IRAK2: variants seen among roughly 807,000 people sequenced by gnomAD.
IRAK2 encodes the protein interleukin 1 receptor associated kinase 2.
IRAK2 carries 57 observed loss-of-function variants against 72.0 expected under a neutral mutation model. That is an observed-to-expected ratio of 0.79 (90% confidence interval 0.64 to 0.99). IRAK2 has a LOEUF of 0.99. IRAK2 is among the 50% of genes least tolerant of loss of function. IRAK2 has a pLI of 0.00. For missense variants in IRAK2, 790 were observed against 794.4 expected (o/e 0.99, Z 0.07); for synonymous variants, 293 against 312.7 (o/e 0.94, Z 0.67).
chr3:10,196,224 C>T (rs544729625), intron 2 of IRAK2, among the ~76,000 whole-genome samples: 33 of 152,388 alleles, frequency 2.2e-4, no homozygotes, highest in African/African-American at 7.7e-4. Flanking sequence ...AAGCGATTCT[C>T]CTGCTTCAGC....
chr3:10,196,060 A>G (rs1481046009), intron 2 of IRAK2, among the ~76,000 whole-genome samples: 1 of 152,210 alleles, frequency 6.6e-6, no homozygotes, highest in Non-Finnish European at 1.5e-5. Flanking sequence ...CCCGTGCTTG[A>G]ATCAGCACTC....
At chr3:10,182,034 C>T (rs1266206624) in intron 2 of IRAK2, among the ~76,000 whole-genome samples, 2 of 145,614 alleles carry the variant, frequency 1.4e-5, no homozygotes, top group African/African-American at 2.5e-5. Context: ...GTGGCGCAAT[C>T]TTGGCTCACC....
chr3:10,222,615 C>T (rs813591), intron 8 of IRAK2, 21 bp from the exon 9 acceptor site: 300,852 of 1,604,236 alleles, frequency 0.19, 39,081 homozygotes, highest in East Asian at 0.68. Context: ...GAGAAGGTTC[C>T]CTCTCCTTTC....
rs532825426 is a variant in IRAK2 at position 10,209,867 on chromosome 3, C to T, written c.528+175C>T. Among the ~76,000 whole-genome samples, 7 of 152,146 alleles carry T rather than the reference C, an allele frequency of 4.6e-5. No individual in the cohort carries two copies. In the South Asian group the frequency reaches 1.0e-3, roughly 23 times the overall value. ...TGTAAGTAGAGGAGGTCAATAATAGCGGGGAGAGGGAGGGAGGGCACTTCA... is the reference window on the plus strand; with the variant it reads ...TGTAAGTAGAGGAGGTCAATAATAGTGGGGAGAGGGAGGGAGGGCACTTCA... On this transcript the variant is annotated intron_variant, in intron 4 of 12. Transcript: ENST00000256458.
chr3:10,212,634 G>A (rs1251914449), intron 4 of IRAK2, among the ~76,000 whole-genome samples: 2 of 152,054 alleles, frequency 1.3e-5, no homozygotes, highest in African/African-American at 2.4e-5. Flanking sequence ...ATTACTCTTC[G>A]GGGTACTATT....
At chr3:10,211,482 G>C (rs1337821962) in intron 4 of IRAK2, among the ~76,000 whole-genome samples, 1 of 150,892 alleles carries the variant, frequency 6.6e-6, no homozygotes, top group African/African-American at 2.4e-5. Context: ...GCCAGGCGTG[G>C]TGGCACACAC....
Position 10,168,301 on chromosome 3 carries a change from C to T in IRAK2, c.94+3253C>T, listed in dbSNP as rs551891755. Among the ~76,000 whole-genome samples the T allele has an allele frequency of 4.0e-5, 6 of 151,568 alleles. No individual in the cohort carries two copies. The East Asian group carries it at 1.2e-3, about 29-fold the overall frequency. ...TCTCGGCTCGCTGCAACCTTAGCCTCCTGGGTTCAAGCGATTCTTGTGCCT... is the reference window on the plus strand; with the variant it reads ...TCTCGGCTCGCTGCAACCTTAGCCTTCTGGGTTCAAGCGATTCTTGTGCCT... On this transcript the variant is annotated intron_variant, in intron 1 of 12. Transcript: ENST00000256458.
intron 9 of IRAK2, among the ~76,000 whole-genome samples, 195 bp downstream of exon 9, chr3:10,223,026 TA>T: frequency 2.0e-5 from 3 of 152,320 alleles, no homozygotes; most frequent in Middle Eastern, 6.8e-3. Flanking sequence ...AGGGTAGTTT[TA>T]CATTTATAAA....
At chr3:10,214,291 G>T (rs1697568865) in intron 6 of IRAK2, among the ~76,000 whole-genome samples, 1 of 151,384 alleles carries the variant, frequency 6.6e-6, no homozygotes. Context: ...GCCTTGGAAT[G>T]ATTGTAGATC....
At chr3:10,189,283 C>CG (rs976976259) in intron 2 of IRAK2, among the ~76,000 whole-genome samples, 1 of 151,986 alleles carries the variant, frequency 6.6e-6, no homozygotes, top group African/African-American at 2.4e-5. Context: ...CATATCTAGC[C>CG]GGGGGGAGCA....
At chr3:10,208,933 T>G (rs1481629194) in intron 3 of IRAK2, among the ~76,000 whole-genome samples, 1 of 152,120 alleles carries the variant, frequency 6.6e-6, no homozygotes, top group Non-Finnish European at 1.5e-5. Context: ...TGCTAACTCA[T>G]GTACCTAGAT....
Position 10,176,099 on chromosome 3 carries a change from C to T in IRAK2, c.95-1739C>T, listed in dbSNP as rs1227391939. On this transcript the variant is annotated intron_variant, in intron 1 of 12. Coordinates refer to ENST00000256458, the MANE Select transcript of IRAK2 (RefSeq NM_001570.4). Reference sequence around the variant, plus strand: ...TTTTTTTTTTTTTTTTGGTGAACAACCATCAATTTTATGGTAAAACACCAA... The same window carrying T: ...TTTTTTTTTTTTTTTTGGTGAACAATCATCAATTTTATGGTAAAACACCAA... Among the ~76,000 whole-genome samples, 5 of 128,318 alleles carry T rather than the reference C, an allele frequency of 3.9e-5. No individual in the cohort carries two copies. The East Asian group carries it at 1.2e-3, about 31-fold the overall frequency. 84.2% of individuals were successfully genotyped at this position (128,318 alleles called of 152,430 possible). A position where few individuals can be genotyped will look rare whatever the true frequency, so the allele number is the denominator to read the frequency against.
rs1416879447 is a variant in IRAK2, at chr3:10,213,508, A to G, written c.748A>G (p.Ile250Val). The G allele has an allele frequency of 3.7e-6, 6 of 1,614,066 alleles. No individual in the cohort carries two copies. In the African/African-American group the frequency reaches 6.7e-5, roughly 18 times the overall value. The change falls in exon 6 of 13, where the codon ATC becomes GTC. Residue 250 changes from isoleucine to valine, a missense_variant. Coordinates refer to ENST00000256458, the MANE Select transcript of IRAK2 (RefSeq NM_001570.4). ...RETACSSPGS[I>V]ERFFQAELQI... is the part of the protein sequence containing the mutation. The stretch of plus-strand genomic sequence containing the variant: ...GACAGCCTGTTCAAGTCCAGGATCA[A>G]TCGAAAGATTCTTCCAGGCAGAGTT...
chr3:10,213,288 G>T lies in IRAK2; in HGVS notation c.610G>T (p.Val204Phe). Residue 204 changes from valine to phenylalanine, a missense_variant, in exon 5 of 13, where the codon GTC (valine) becomes TTC (phenylalanine). By Grantham distance (50) the Val-to-Phe change is conservative. Transcript: ENST00000256458. ...DSLFWSEADV[V>F]QATDDFNQNR... ...CCTTTTCTGGAGTGAGGCAGACGTGGTCCAGGCAACCGATGACTTCAATCA... is the reference window on the plus strand; with the variant it reads ...CCTTTTCTGGAGTGAGGCAGACGTGTTCCAGGCAACCGATGACTTCAATCA... The T allele has an allele frequency of 6.2e-7, 1 of 1,614,144 alleles. No individual in the cohort carries two copies. The highest frequency in any genetic ancestry group is 8.5e-7 in the Non-Finnish European group (1 of 1,180,030).
chr3:10,239,667 C>T lies in IRAK2; in HGVS notation c.1765+628C>T, dbSNP rs1427655470. Among the ~76,000 whole-genome samples the T allele has an allele frequency of 2.0e-5, 3 of 151,666 alleles. No homozygotes were observed. The East Asian group carries it at 5.8e-4, about 29-fold the overall frequency. ...GCTTGAACCCGGGAGGCAGAGGTTG[C>T]AGTGAGCCAAGATTGTGCCACTGCA... On this transcript the variant is annotated intron_variant, in intron 12 of 12. Transcript: ENST00000256458.
At chr3:10,192,541 T>C (rs1412116779) in intron 2 of IRAK2, among the ~76,000 whole-genome samples, 1 of 152,204 alleles carries the variant, frequency 6.6e-6, no homozygotes, top group African/African-American at 2.4e-5. Flanking sequence ...TCTTCAGATA[T>C]AAGACAACTA....
chr3:10,208,888 T>C (rs1005587578), intron 3 of IRAK2, among the ~76,000 whole-genome samples: 1 of 152,076 alleles, frequency 6.6e-6, no homozygotes, highest in Non-Finnish European at 1.5e-5. Context: ...GTATTACAGA[T>C]GTGAAGTATT....
intron 10 of IRAK2, 94 bp downstream of exon 10, chr3:10,226,527 A>G: frequency 2.0e-6 from 2 of 1,000,558 alleles, no homozygotes; most frequent in Admixed American, 2.1e-5. Context: ...AGTTTTACAC[A>G]TGCAAATGAG....
intron 10 of IRAK2, among the ~76,000 whole-genome samples, chr3:10,232,458 C>G (rs1399725808): frequency 1.3e-5 from 2 of 152,142 alleles, no homozygotes; most frequent in East Asian, 3.8e-4. Flanking sequence ...GTGCTAAGAC[C>G]GATCAGTGTG....
Sources: gnomAD v4.1 joint callset for allele counts (sites outside exome capture counted in the v4.1 genomes callset) on GRCh38, gnomAD v4.1.1 for gene constraint, MANE v1.5 for transcripts, NCBI Gene and HGNC (gene_info 2026-07-23, HGNC 2026-07-21) for gene names.